The following ZNF221 variants were observed in gnomAD, a reference collection of about 807,000 sequenced individuals.
ZNF221 encodes the protein zinc finger protein 221.
Under a neutral mutation model 12.6 loss-of-function variants are expected in ZNF221, and 10 were observed. The observed-to-expected ratio is 0.79, with a 90% CI of 0.49 to 1.34. The LOEUF is 1.34. Among genes scored for constraint, ZNF221 ranks in the 40% most tolerant of loss-of-function variants. The probability of loss-of-function intolerance (pLI) is 0.00; values close to 1 mark genes in which losing one functional copy is unlikely to be tolerated. For synonymous variants in ZNF221, 232 were observed against 244.0 expected (o/e 0.95, Z 0.46); for missense variants, 661 against 721.4 (o/e 0.92, Z 0.96).
Position 43,966,208 on chromosome 19 carries a change from A to G in ZNF221, c.706A>G (p.Asn236Asp). ...GTGTGATGTGTGTGGTAAGGAATTTAATCAGAGCTCACATCTGCAAACTCA... is the reference window on the plus strand; with the variant it reads ...GTGTGATGTGTGTGGTAAGGAATTTGATCAGAGCTCACATCTGCAAACTCA... ...YKCDVCGKEF[N>D]QSSHLQTHQR... Residue 236 changes from asparagine to aspartate, a missense_variant, in exon 5 of 5, where the codon AAT (asparagine) becomes GAT (aspartate). By Grantham distance (23) the Asn-to-Asp change is conservative. Coordinates refer to ENST00000587682, the MANE Select transcript of ZNF221 (RefSeq NM_001297588.2). 6.2e-7 allele frequency: 1 copy of G among 1,614,234 alleles called. No homozygotes were observed. The highest frequency in any genetic ancestry group is 8.5e-7 in the Non-Finnish European group (1 of 1,180,040).
At position 43,965,904 on chromosome 19, in the gene ZNF221, C is replaced by T. The variant is rs1231864158; in HGVS notation, c.402C>T (p.Thr134=). Residue 134 remains threonine, a synonymous_variant, in exon 5 of 5, where the codon ACC becomes ACT. Coordinates refer to ENST00000587682, the MANE Select transcript of ZNF221 (RefSeq NM_001297588.2). The part of the protein sequence containing the change: ...QIWEQIASDL[T]RSQNSIRNSS... ...GGGAACAAATTGCAAGTGACCTAAC[C>T]AGGTCTCAAAACTCCATAAGGAACA... 6.2e-7 allele frequency: 1 copy of T among 1,614,000 alleles called. No individual in the cohort carries two copies. Among genetic ancestry groups the T allele is most frequent in the African/African-American group, 1.3e-5 (1 of 74,912 alleles).
At position 43,958,092 on chromosome 19, in the gene ZNF221, G is replaced by T. The variant is rs538011518; in HGVS notation, c.-2-4633G>T. ...GCATAGCTGTTTCCCCAAGAGTTTC[G>T]CAATCAGGCCATGTATAAACAATTC... is the stretch of plus-strand genomic sequence containing the variant. On this transcript the variant is annotated intron_variant, in intron 1 of 4. Coordinates refer to ENST00000587682, the MANE Select transcript of ZNF221 (RefSeq NM_001297588.2). 4.6e-5 allele frequency among the ~76,000 whole-genome samples: 7 copies of T among 152,238 alleles called. No homozygotes were observed. The South Asian group carries it at 1.5e-3, about 32-fold the overall frequency.
In ZNF221 at chr19:43,966,324, A is replaced by G. The variant is rs370522551; in HGVS notation, c.822A>G (p.Lys274=). The G allele has an allele frequency of 2.2e-4, 360 of 1,614,158 alleles. 1 individual carries two copies. In the Middle Eastern group the frequency reaches 2.6e-3, roughly 12 times the overall value. Residue 274 remains lysine, a synonymous_variant, in exon 5 of 5, where the codon AAA becomes AAG. Transcript: ENST00000587682. ...HSRSALNVHC[K]LHTGEKPYNC... is the part of the protein sequence containing the mutation. ...GATCAGCACTTAATGTTCATTGCAA[A>G]TTGCACACAGGAGAGAAACCTTATA...
rs577341129 is a variant in ZNF221, at chr19:43,966,420, G to A, written c.918G>A (p.Gly306=). The A allele has an allele frequency of 1.2e-5, 19 of 1,613,658 alleles. No homozygotes were observed. Among genetic ancestry groups the A allele is most frequent in the Non-Finnish European group, 1.5e-5 (18 of 1,179,920 alleles). Residue 306 remains glycine (G), a synonymous_variant, in exon 5 of 5, where the codon GGG becomes GGA. Transcript: ENST00000587682. ...QLQEHQRIHT[G]EKPFKCDICG... ...AAGAACATCAGAGAATCCATACTGG[G>A]GAGAAGCCATTCAAATGTGATATAT... is the stretch of plus-strand genomic sequence containing the variant.
At chr19:43,961,795 C>T (rs1974846904) in intron 1 of ZNF221, 1 of 152,106 alleles carries the variant, frequency 6.6e-6, no homozygotes, top group Non-Finnish European at 1.5e-5. Context: ...GAAAGATAGT[C>T]ATTTGGGATT....
In ZNF221 at chr19:43,966,836, A is replaced by G. The variant is rs535990561; in HGVS notation, c.1334A>G (p.Asn445Ser). The G allele has an allele frequency of 1.5e-5, 25 of 1,614,218 alleles. No homozygotes were observed. The Admixed American group carries it at 3.5e-4, about 23-fold the overall frequency. The change falls in exon 5 of 5, where the codon AAT becomes AGT. Residue 445 changes from asparagine to serine, a missense_variant. Asn to Ser is a conservative substitution (Grantham distance 46, BLOSUM62 1). Coordinates refer to ENST00000587682, the MANE Select transcript of ZNF221 (RefSeq NM_001297588.2). ...CGATCTTCCCATCAGAGATCCCACAATGGAGAAAAGCCATATAACTGTGAG... is the reference window on the plus strand; with the variant it reads ...CGATCTTCCCATCAGAGATCCCACAGTGGAGAAAAGCCATATAACTGTGAG... Reference protein sequence around the residue: ...SRRSSHQRSHNGEKPYNCEEC... With the variant: ...SRRSSHQRSHSGEKPYNCEEC...
intron 1 of ZNF221, among the ~76,000 whole-genome samples, chr19:43,953,256 G>A (rs1974703448): frequency 1.4e-5 from 2 of 138,148 alleles, no homozygotes; most frequent in Non-Finnish European, 3.0e-5. Context: ...CAGTCATTAA[G>A]CTTTTTTTTT....
chr19:43,967,474 T>A lies in ZNF221; in HGVS notation c.*118T>A. 1 of 742,034 alleles carries A rather than the reference T, an allele frequency of 1.3e-6. No individual in the cohort carries two copies. The highest frequency in any genetic ancestry group is 2.1e-6 in the Non-Finnish European group (1 of 470,800). The allele number at this position is 742,034 out of a possible 1,614,324, so 46.0% of individuals were successfully genotyped here. On this transcript the variant is annotated 3_prime_UTR_variant, in exon 5 of 5. Transcript: ENST00000587682. ...CTGTGGGAAGAGCTTTGTACATAGATCATATCTTTTTTTTTTTTTTTTGAG... is the reference window on the plus strand; with the variant it reads ...CTGTGGGAAGAGCTTTGTACATAGAACATATCTTTTTTTTTTTTTTTTGAG...
the ZNF221 span, among the ~76,000 whole-genome samples, chr19:43,980,519 C>A: frequency 4.6e-5 from 7 of 152,072 alleles, no homozygotes; most frequent in Non-Finnish European, 8.8e-5. Context: ...TCAAATGGCA[C>A]GTTTATATTT....
chr19:43,963,368 T>A (rs926747504), intron 2 of ZNF221, among the ~76,000 whole-genome samples: 1 of 152,180 alleles, frequency 6.6e-6, no homozygotes, highest in South Asian at 2.1e-4. Flanking sequence ...ACTTTTGACA[T>A]GTATTACATT....
chr19:43,972,780 A>AAAAAAAAAG, the ZNF221 span, among the ~76,000 whole-genome samples: 3 of 150,064 alleles, frequency 2.0e-5, no homozygotes, highest in Admixed American at 1.3e-4. Context: ...AAAAAAAAAA[A>AAAAAAAAAG]GCCCAGGACC....
chr19:43,956,185 C>T (rs1002362235), intron 1 of ZNF221, among the ~76,000 whole-genome samples: 1 of 152,208 alleles, frequency 6.6e-6, no homozygotes, highest in Non-Finnish European at 1.5e-5. Flanking sequence ...CAGAATTTGT[C>T]CATACCAGCA....
intron 2 of ZNF221, among the ~76,000 whole-genome samples, chr19:43,963,530 T>C (rs1411948776): frequency 7.2e-5 from 11 of 152,070 alleles, no homozygotes; most frequent in Admixed American, 7.2e-4. Context: ...ATGCATGTTA[T>C]TTATTGGTCT....
chr19:43,978,946 T>TG, the ZNF221 span, among the ~76,000 whole-genome samples: 14 of 151,156 alleles, frequency 9.3e-5, no homozygotes, highest in African/African-American at 3.4e-4. Context: ...TTTTTTTTTT[T>TG]TTTTTTTTTT....
At position 43,961,339 on chromosome 19, in the gene ZNF221, TATAATG is replaced by T. The variant is rs143885181; in HGVS notation, c.-2-1384_-2-1379del. 8.3e-3 allele frequency among the ~76,000 whole-genome samples: 1,258 copies of T among 152,310 alleles called. 10 individuals are homozygous for T. The highest frequency in any genetic ancestry group is 0.013 in the Non-Finnish European group (881 of 68,020). On this transcript the variant is annotated intron_variant, in intron 1 of 4. Coordinates refer to ENST00000587682, the MANE Select transcript of ZNF221 (RefSeq NM_001297588.2). ...AGCCAAATACCACTGGGAACAAACT[TATAATG>T]AGAAACAACTTATTGTAGCTTTCTG...
intron 4 of ZNF221, 148 bp downstream of exon 4, chr19:43,965,473 C>G (rs451612): frequency 0.98 from 639,215 of 650,310 alleles, 314,970 homozygotes; most frequent in East Asian, 1. Flanking sequence ...GTTCCTTTGG[C>G]TTCATTATTC....
At chr19:43,981,122 T>C in the ZNF221 span, among the ~76,000 whole-genome samples, 3 of 151,604 alleles carry the variant, frequency 2.0e-5, no homozygotes, top group African/African-American at 7.3e-5. Context: ...AACATAAAAA[T>C]GGGTAATAGA....
intron 1 of ZNF221, 98 bp from the exon 2 acceptor site, chr19:43,962,627 C>T (rs1407473566): frequency 8.4e-7 from 1 of 1,185,678 alleles, no homozygotes; most frequent in Non-Finnish European, 1.3e-6. Context: ...CTGCTATGAA[C>T]ATTCATGTGC....
Position 43,965,886 on chromosome 19 carries a change from A to G in ZNF221, c.384A>G (p.Gln128=). The G allele has an allele frequency of 6.2e-7, 1 of 1,614,154 alleles. No homozygotes were observed. ...GGTCCTGTCAGCAAATATGGGAACAAATTGCAAGTGACCTAACCAGGTCTC... is the reference window on the plus strand; with the variant it reads ...GGTCCTGTCAGCAAATATGGGAACAGATTGCAAGTGACCTAACCAGGTCTC... ...EEWSCQQIWE[Q]IASDLTRSQN... The change falls in exon 5 of 5, where the codon CAA becomes CAG. Residue 128 remains glutamine (Q), a synonymous_variant. Transcript: ENST00000587682.
Sources: gnomAD v4.1 joint callset for allele counts (sites outside exome capture counted in the v4.1 genomes callset) on GRCh38, gnomAD v4.1.1 for gene constraint, MANE v1.5 for transcripts, NCBI Gene and HGNC (gene_info 2026-07-23, HGNC 2026-07-21) for gene names.